TRIM24: variants seen among roughly 807,000 people sequenced by gnomAD.
TRIM24 encodes transcription intermediary factor 1-alpha.
In TRIM24, 29 loss-of-function variants were observed where a neutral mutation model predicts 123.9. That is an observed-to-expected ratio of 0.23 (90% confidence interval 0.17 to 0.32). The LOEUF (loss-of-function observed/expected upper bound fraction) is 0.32. Ranked by LOEUF, TRIM24 falls within the 10% of genes least tolerant of loss-of-function variation. The pLI, the probability that TRIM24 is intolerant of heterozygous loss-of-function variation, is 1.00. For synonymous variants in TRIM24, 456 were observed against 461.1 expected (o/e 0.99, Z 0.14); for missense variants, 932 against 1,295.3 (o/e 0.72, Z 4.31).
At chr7:138,522,683 A>G (rs1796528322) in intron 4 of TRIM24, among the ~76,000 whole-genome samples, 1 of 152,188 alleles carries the variant, frequency 6.6e-6, no homozygotes, top group Non-Finnish European at 1.5e-5. Context: ...GGCACATAAG[A>G]AAATCCTTTT....
chr7:138,518,791 G>T (rs1275959797), intron 3 of TRIM24, among the ~76,000 whole-genome samples: 1 of 152,038 alleles, frequency 6.6e-6, no homozygotes, highest in Non-Finnish European at 1.5e-5. Flanking sequence ...GTGGGCCACT[G>T]TGCCAGGCTT....
rs1563058086 is a variant in TRIM24, at chr7:138,554,837, A to G, written c.1401A>G (p.Gln467=). ...TCCCAACACAGATCAGCCTAGCTCAATTACGGCTCCAGCATATGCAGCAAC... is the reference window on the plus strand; with the variant it reads ...TCCCAACACAGATCAGCCTAGCTCAGTTACGGCTCCAGCATATGCAGCAAC... The part of the protein sequence containing the change: ...SKFPTQISLA[Q]LRLQHMQQQV... The change falls in exon 9 of 19, where the codon CAA becomes CAG. Residue 467 remains glutamine, a synonymous_variant. Coordinates refer to ENST00000343526, the MANE Select transcript of TRIM24 (RefSeq NM_015905.3). The surrounding 1 kb of genome is among the most constrained non-coding windows in gnomAD (Gnocchi z 4.5). 1.9e-6 allele frequency: 3 copies of G among 1,614,192 alleles called. No individual in the cohort carries two copies. In the Admixed American group the frequency reaches 5.0e-5, roughly 27 times the overall value.
intron 12 of TRIM24, among the ~76,000 whole-genome samples, chr7:138,575,728 G>A (rs1797744737): frequency 6.6e-6 from 1 of 151,586 alleles, no homozygotes; most frequent in Non-Finnish European, 1.5e-5. Flanking sequence ...CTTCTTTCTT[G>A]GCTGCTTTTA....
chr7:138,470,123 A>ATTTTTT (rs10542175), intron 1 of TRIM24, among the ~76,000 whole-genome samples: 4 of 81,396 alleles, frequency 4.9e-5, no homozygotes, highest in Admixed American at 1.6e-4. Flanking sequence ...TACAAGTATA[A>ATTTTTT]TTTTTTTTTT....
At chr7:138,531,123 T>TTTA (rs78988686) in intron 6 of TRIM24, among the ~76,000 whole-genome samples, 40,059 of 150,776 alleles carry the variant, frequency 0.27, 5,918 homozygotes, top group East Asian at 0.49. Flanking sequence ...TCCTGGCTAA[T>TTTA]TTATTATTAT....
intron 3 of TRIM24, among the ~76,000 whole-genome samples, chr7:138,515,892 C>A (rs1427244480): frequency 6.6e-6 from 1 of 152,182 alleles, no homozygotes; most frequent in Admixed American, 6.5e-5. Flanking sequence ...ATTTTAACTA[C>A]TAAATGTACA....
At chr7:138,529,300 T>C in intron 6 of TRIM24, 70 bp downstream of exon 6, 4 of 791,400 alleles carry the variant, frequency 5.1e-6, no homozygotes, top group Non-Finnish European at 7.5e-6. Flanking sequence ...GAAGTAGAAA[T>C]CATAGTGCTT....
At chr7:138,494,927 T>TA (rs553917097) in intron 1 of TRIM24, among the ~76,000 whole-genome samples, 461 of 152,170 alleles carry the variant, frequency 3.0e-3, no homozygotes, top group African/African-American at 9.9e-3. Flanking sequence ...AAATAAGCTG[T>TA]AAAAAAGACT....
At chr7:138,538,170 C>A (rs1013174358) in intron 6 of TRIM24, among the ~76,000 whole-genome samples, 1 of 152,208 alleles carries the variant, frequency 6.6e-6, no homozygotes, top group Non-Finnish European at 1.5e-5. Context: ...TTACCACATA[C>A]AAAGGGTAAG....
intron 4 of TRIM24, 35 bp downstream of exon 4, chr7:138,519,356 A>G (rs1796461328): frequency 6.4e-7 from 1 of 1,561,496 alleles, no homozygotes; most frequent in Admixed American, 2.0e-5. Context: ...ATAGATTCAT[A>G]TGCAGCTTTA....
chr7:138,486,410 C>G (rs1047769514), intron 1 of TRIM24, among the ~76,000 whole-genome samples: 2 of 152,092 alleles, frequency 1.3e-5, no homozygotes, highest in Non-Finnish European at 2.9e-5. Flanking sequence ...AAGTCCTTGC[C>G]CATGCCTATG....
intron 7 of TRIM24, among the ~76,000 whole-genome samples, chr7:138,550,696 T>C (rs1364109393): frequency 6.6e-6 from 1 of 152,218 alleles, no homozygotes; most frequent in Non-Finnish European, 1.5e-5. Flanking sequence ...GTATTCCCTG[T>C]AACTCATTAG....
At chr7:138,565,387 C>T (rs1439383439) in intron 9 of TRIM24, among the ~76,000 whole-genome samples, 1 of 151,992 alleles carries the variant, frequency 6.6e-6, no homozygotes, top group Non-Finnish European at 1.5e-5. Context: ...TCAAACCTTA[C>T]CACAATCCTG....
At chr7:138,540,356 T>C (rs149253372) in intron 7 of TRIM24, among the ~76,000 whole-genome samples, 533 of 152,326 alleles carry the variant, frequency 3.5e-3, no homozygotes, top group African/African-American at 0.012. Flanking sequence ...TTGGAGTCAG[T>C]CCTCTCAAAG....
At chr7:138,542,816 G>A (rs2116615884) in intron 7 of TRIM24, among the ~76,000 whole-genome samples, 1 of 152,314 alleles carries the variant, frequency 6.6e-6, no homozygotes, top group South Asian at 2.1e-4. Flanking sequence ...TGACATCAGA[G>A]TTCTATAACT....
chr7:138,540,365 A>T (rs966100431), intron 7 of TRIM24, among the ~76,000 whole-genome samples: 2 of 152,170 alleles, frequency 1.3e-5, no homozygotes, highest in African/African-American at 4.8e-5. Flanking sequence ...GTCCTCTCAA[A>T]GCCAGTAGCT....
intron 1 of TRIM24, among the ~76,000 whole-genome samples, chr7:138,463,452 G>A (rs548325260): frequency 6.6e-6 from 1 of 152,070 alleles, no homozygotes; most frequent in South Asian, 2.1e-4. Flanking sequence ...GGCTGGTCTC[G>A]AACTTCTGAC....
intron 6 of TRIM24, 21 bp from the exon 7 acceptor site, chr7:138,538,636 A>T: frequency 6.2e-7 from 1 of 1,613,230 alleles, no homozygotes; most frequent in Non-Finnish European, 8.5e-7. Flanking sequence ...ACTAATTTTG[A>T]AACTATTTTC....
At chr7:138,511,771 C>T (rs1237685320) in intron 2 of TRIM24, among the ~76,000 whole-genome samples, 2 of 152,108 alleles carry the variant, frequency 1.3e-5, no homozygotes, top group Non-Finnish European at 2.9e-5. Flanking sequence ...ATCATTCCAC[C>T]CCAGCCCCTC....
Sources: allele counts gnomAD v4.1 joint callset (sites outside exome capture counted in the v4.1 genomes callset), GRCh38; gene constraint gnomAD v4.1.1; non-coding constraint Gnocchi (gnomAD v3.1); transcripts MANE v1.5; gene names NCBI Gene and HGNC (gene_info 2026-07-23, HGNC 2026-07-21).